The following ANK2 variants were observed in gnomAD, a reference collection of about 807,000 sequenced individuals.
ANK2 encodes the protein ankyrin 2.
In ANK2, 83 loss-of-function variants were observed where a neutral mutation model predicts 360.5. That is an observed-to-expected ratio of 0.23 (90% CI 0.19 to 0.28). The LOEUF is 0.28. Among genes scored for constraint, ANK2 ranks in the 10% least tolerant of loss-of-function variants. The probability of loss-of-function intolerance (pLI) is 1.00; values close to 1 mark genes in which losing one functional copy is unlikely to be tolerated. For missense variants in ANK2, 4,201 were observed against 4,795.7 expected, an observed-to-expected ratio of 0.88 and a Z score of 3.66; for synonymous variants, 1,740 against 1,759.5, an observed-to-expected ratio of 0.99 and a Z score of 0.28.
chr4:112,844,667 C>T (rs1289542000), intron 1 of ANK2, among the ~76,000 whole-genome samples: 1 of 152,136 alleles, frequency 6.6e-6, no homozygotes, highest in Non-Finnish European at 1.5e-5. Flanking sequence ...CAAAGGAAGA[C>T]AAGGTTTGGA....
chr4:113,102,952 G>A (rs1205947736), intron 1 of ANK2, among the ~76,000 whole-genome samples: 3 of 152,056 alleles, frequency 2.0e-5, no homozygotes, highest in Non-Finnish European at 4.4e-5. Context: ...CAGGGAGGAG[G>A]GGAGGTGAGG....
At chr4:113,325,236 C>G (rs1349048685) in intron 26 of ANK2, among the ~76,000 whole-genome samples, 3 of 152,142 alleles carry the variant, frequency 2.0e-5, no homozygotes, top group African/African-American at 7.2e-5. Flanking sequence ...TTCTGCAAAA[C>G]AGCTGTTTTA....
intron 4 of ANK2, among the ~76,000 whole-genome samples, chr4:113,205,192 C>T (rs953520323): frequency 6.4e-5 from 9 of 140,832 alleles, no homozygotes; most frequent in Non-Finnish European, 1.2e-4. Context: ...GCCGACATCA[C>T]GCCACTGCAC....
At chr4:112,728,825 T>G in the ANK2 span, among the ~76,000 whole-genome samples, 1 of 152,086 alleles carries the variant, frequency 6.6e-6, no homozygotes, top group African/African-American at 2.4e-5. Context: ...GTAAGGAGAT[T>G]GAATCAATAA....
chr4:112,713,172 A>C, the ANK2 span, among the ~76,000 whole-genome samples: 1 of 152,172 alleles, frequency 6.6e-6, no homozygotes, highest in Non-Finnish European at 1.5e-5. Context: ...GGTCCCTCTA[A>C]GTGTCTTGCA....
chr4:113,101,258 T>C (rs1014909687), intron 1 of ANK2, among the ~76,000 whole-genome samples: 24 of 152,158 alleles, frequency 1.6e-4, no homozygotes, highest in African/African-American at 5.5e-4. Context: ...TGTAAATGTA[T>C]CATAATTAGT....
chr4:112,867,561 C>A (rs1444251257), intron 1 of ANK2, among the ~76,000 whole-genome samples: 1 of 152,088 alleles, frequency 6.6e-6, no homozygotes, highest in Non-Finnish European at 1.5e-5. Context: ...CCCCTTTCCC[C>A]CCTACTCCCT....
intron 32 of ANK2, among the ~76,000 whole-genome samples, chr4:113,340,032 GTAA>G (rs1168936505): frequency 2.4e-4 from 37 of 152,304 alleles, no homozygotes; most frequent in African/African-American, 8.7e-4. Context: ...GAATAGTTAA[GTAA>G]TGGCATAGCA....
At chr4:112,736,676 C>T in the ANK2 span, among the ~76,000 whole-genome samples, 5 of 152,242 alleles carry the variant, frequency 3.3e-5, no homozygotes, top group African/African-American at 1.2e-4. Context: ...TGCAATCACA[C>T]TATTTCAGTA....
intron 2 of ANK2, among the ~76,000 whole-genome samples, chr4:112,910,487 A>C (rs1178629259): frequency 1.3e-5 from 2 of 152,222 alleles, no homozygotes; most frequent in African/African-American, 4.8e-5. Flanking sequence ...TAAAGAGAAC[A>C]AATGTGTGTT....
intron 1 of ANK2, among the ~76,000 whole-genome samples, chr4:112,832,442 A>C (rs1197481722): frequency 6.6e-6 from 1 of 152,220 alleles, no homozygotes; most frequent in Non-Finnish European, 1.5e-5. Flanking sequence ...ATTTTGCATC[A>C]TTTTACAGTC....
chr4:113,126,205 CATT>C (rs1294119735), intron 1 of ANK2, among the ~76,000 whole-genome samples: 3 of 152,158 alleles, frequency 2.0e-5, no homozygotes, highest in Non-Finnish European at 4.4e-5. Context: ...GAAATATCAT[CATT>C]GTTTAATTAA....
chr4:113,302,567 G>T (rs938968440), intron 22 of ANK2, among the ~76,000 whole-genome samples, 200 bp from the exon 23 acceptor site: 1 of 152,006 alleles, frequency 6.6e-6, no homozygotes, highest in African/African-American at 2.4e-5. Context: ...AACTTCTCTG[G>T]CATAAATGAT....
At chr4:113,040,208 T>G (rs2154312742) in intron 2 of ANK2, among the ~76,000 whole-genome samples, 1 of 152,186 alleles carries the variant, frequency 6.6e-6, no homozygotes, top group Non-Finnish European at 1.5e-5. Context: ...AGCATGTACA[T>G]GGTGAGCTCA....
intron 30 of ANK2, chr4:113,336,311 T>A: frequency 1.7e-6 from 1 of 575,994 alleles, no homozygotes. Flanking sequence ...AAAAAAGAAA[T>A]TAGCTTTTAA....
intron 2 of ANK2, among the ~76,000 whole-genome samples, chr4:112,972,788 G>A (rs896616663): frequency 5.3e-5 from 8 of 152,196 alleles, no homozygotes; most frequent in African/African-American, 1.2e-4. Context: ...ATTGACCAAC[G>A]AGTGGATAAA....
chr4:112,998,454 A>G (rs2049417630), intron 2 of ANK2, among the ~76,000 whole-genome samples: 1 of 152,182 alleles, frequency 6.6e-6, no homozygotes, highest in Non-Finnish European at 1.5e-5. Context: ...AGGGGTTTCC[A>G]GGATGACTTT....
At chr4:112,876,444 A>G (rs1167679243) in intron 1 of ANK2, among the ~76,000 whole-genome samples, 1 of 152,146 alleles carries the variant, frequency 6.6e-6, no homozygotes, top group East Asian at 1.9e-4. Context: ...TACAGAGGTA[A>G]ATAAAGAGGG....
At chr4:112,932,318 C>A (rs1362059946) in intron 2 of ANK2, among the ~76,000 whole-genome samples, 1 of 151,894 alleles carries the variant, frequency 6.6e-6, no homozygotes, top group Admixed American at 6.6e-5. Flanking sequence ...ATGGTGAAAC[C>A]CCATCTCTAC....
Sources: allele counts gnomAD v4.1 joint callset (sites outside exome capture counted in the v4.1 genomes callset), GRCh38; gene constraint gnomAD v4.1.1; transcripts MANE v1.5; gene names NCBI Gene and HGNC (gene_info 2026-07-23, HGNC 2026-07-21).